Variants in INSYN2A observed in about 807,000 individuals in gnomAD.
INSYN2A encodes inhibitory synaptic factor 2A, also known as family with sequence similarity 196 member A.
In INSYN2A, 17 loss-of-function variants were observed where a neutral mutation model predicts 39.4. That is an observed-to-expected ratio of 0.43 (90% CI 0.30 to 0.65). INSYN2A has a LOEUF of 0.65. INSYN2A is among the 30% of genes least tolerant of loss of function. The pLI, the probability that INSYN2A is intolerant of heterozygous loss-of-function variation, is 0.14. For synonymous variants in INSYN2A, 255 were observed against 265.7 expected (o/e 0.96, Z 0.39); for missense variants, 595 against 631.2 (o/e 0.94, Z 0.61).
chr10:127,157,510 A>G (rs1286318130), intron 4 of INSYN2A, among the ~76,000 whole-genome samples: 3 of 152,262 alleles, frequency 2.0e-5, no homozygotes, highest in African/African-American at 4.8e-5. Context: ...CTCTCCTTCT[A>G]TAACATCATT....
intron 4 of INSYN2A, among the ~76,000 whole-genome samples, chr10:127,171,609 A>G (rs758110063): frequency 6.6e-6 from 1 of 152,198 alleles, no homozygotes; most frequent in East Asian, 1.9e-4. Context: ...TGGGGTGGCA[A>G]GTGGGGAGAG....
At chr10:127,168,708 C>T (rs1407574050) in intron 4 of INSYN2A, among the ~76,000 whole-genome samples, 1 of 152,206 alleles carries the variant, frequency 6.6e-6, no homozygotes, top group Non-Finnish European at 1.5e-5. Flanking sequence ...GGGATGGGAT[C>T]ACCTCACTGT....
intron 2 of INSYN2A, among the ~76,000 whole-genome samples, chr10:127,191,623 C>A (rs2056762405): frequency 6.6e-6 from 1 of 152,168 alleles, no homozygotes; most frequent in Non-Finnish European, 1.5e-5. Flanking sequence ...ATACAAGATC[C>A]TTCCTAGAGA....
At chr10:127,143,211 C>T (rs2051446062) in intron 5 of INSYN2A, among the ~76,000 whole-genome samples, 1 of 152,160 alleles carries the variant, frequency 6.6e-6, no homozygotes, top group South Asian at 2.1e-4. Context: ...CCATGTGTAA[C>T]AGTTAAGAGT....
intron 4 of INSYN2A, among the ~76,000 whole-genome samples, chr10:127,168,494 C>T (rs879447839): frequency 5.3e-5 from 8 of 152,216 alleles, no homozygotes; most frequent in South Asian, 2.1e-4. Context: ...CCAGGGAACA[C>T]GGCACTCAGT....
At position 127,175,736 on chromosome 10, in the gene INSYN2A, G is replaced by C. The variant is rs754152980; in HGVS notation, c.660C>G (p.Pro220=). The C allele has an allele frequency of 2.5e-6, 4 of 1,613,876 alleles. No homozygotes were observed. Among genetic ancestry groups the C allele is most frequent in the South Asian group, 1.1e-5 (1 of 91,076 alleles). Residue 220 remains proline, a synonymous_variant, in exon 4 of 6, where the codon CCC becomes CCG. Transcript: ENST00000522781. This position sits in a 1 kb window ranked among gnomAD's most constrained non-coding sequence, Gnocchi z 6.3. ...TGGCCCTCCCGAGCAGCTGGTAATC[G>C]GGCTCTTCGGATGGAGGCCGAGTGG... ...QNSTRPPSEE[P]DYQLLGRAKQ... is the part of the protein sequence containing the mutation.
Position 127,138,366 on chromosome 10 carries a change from G to C in INSYN2A, c.1257-346C>G, listed in dbSNP as rs10829469. Among the ~76,000 whole-genome samples, 997 of 152,262 alleles carry C rather than the reference G, an allele frequency of 6.5e-3. 4 individuals carry two copies. The highest frequency in any genetic ancestry group is 0.012 in the Admixed American group (177 of 15,290). On this transcript the variant is annotated intron_variant, in intron 5 of 5. Transcript: ENST00000522781. The stretch of plus-strand genomic sequence containing the variant: ...CACATGGGCCTCATGGAGTAAAACA[G>C]AAAACCAAAAGTATGAGTGGGCAGG...
chr10:127,186,504 A>ACCCCCCCCCCCCCCCC lies in INSYN2A; in HGVS notation c.-269+6100_-269+6101insGGGGGGGGGGGGGGGG. On this transcript the variant is annotated intron_variant, in intron 2 of 5. Coordinates refer to ENST00000522781, the MANE Select transcript of INSYN2A (RefSeq NM_001039762.3). ...CAATCATGATAACAGCATGGGAGAAACCGCCCCCCCGCCCCCCCCCGATCC... is the reference window on the plus strand; with the variant it reads ...CAATCATGATAACAGCATGGGAGAAACCCCCCCCCCCCCCCCCCGCCCCCCCGCCCCCCCCCGATCC... Among the ~76,000 whole-genome samples the ACCCCCCCCCCCCCCCC allele has an allele frequency of 2.2e-4, 2 of 9,024 alleles. 1 individual carries two copies. Among genetic ancestry groups the ACCCCCCCCCCCCCCCC allele is most frequent in the East Asian group, 6.0e-3 (2 of 332 alleles). The allele number at this position is 9,024 out of a possible 152,430, so 5.9% of individuals were successfully genotyped here.
chr10:127,195,014 C>T (rs577050308), intron 1 of INSYN2A, among the ~76,000 whole-genome samples: 149 of 152,290 alleles, frequency 9.8e-4, no homozygotes, highest in African/African-American at 3.5e-3. Context: ...ATAAGCAAAA[C>T]GCACCCATTT....
intron 4 of INSYN2A, among the ~76,000 whole-genome samples, chr10:127,158,996 T>C (rs2053345243): frequency 6.6e-6 from 1 of 152,082 alleles, no homozygotes; most frequent in Non-Finnish European, 1.5e-5. Flanking sequence ...GACCTCTCCT[T>C]GCTTGATGCC....
At chr10:127,189,577 A>G (rs2134074787) in intron 2 of INSYN2A, among the ~76,000 whole-genome samples, 1 of 152,390 alleles carries the variant, frequency 6.6e-6, no homozygotes, top group African/African-American at 2.4e-5. Context: ...TTAAATGAGG[A>G]TATGAATGAC....
At chr10:127,164,322 T>C (rs928646400) in intron 4 of INSYN2A, among the ~76,000 whole-genome samples, 4 of 151,770 alleles carry the variant, frequency 2.6e-5, no homozygotes, top group Non-Finnish European at 4.4e-5. Context: ...CAGCTGAGAT[T>C]ACAGGTGCCC....
At chr10:127,156,213 A>G (rs75023144) in intron 4 of INSYN2A, among the ~76,000 whole-genome samples, 11,843 of 152,154 alleles carry the variant, frequency 0.078, 1,282 homozygotes, top group African/African-American at 0.24. Context: ...CCAGTGCCTC[A>G]CTTGCATTAG....
At position 127,175,947 on chromosome 10, in the gene INSYN2A, T is replaced by G; in HGVS notation, c.449A>C (p.Lys150Thr). Reference protein sequence around the residue: ...NNGFLTDAKEKNEAGPMEEAR... With the variant: ...NNGFLTDAKETNEAGPMEEAR... Reference sequence around the variant, plus strand: ...CTCCTCCATGGGTCCAGCCTCGTTCTTCTCTTTCGCATCTGTTAGAAACCC... The same window carrying G: ...CTCCTCCATGGGTCCAGCCTCGTTCGTCTCTTTCGCATCTGTTAGAAACCC... The change falls in exon 4 of 6, where the codon AAG (lysine) becomes ACG (threonine). Residue 150 changes from lysine to threonine, a missense_variant. Transcript: ENST00000522781. This position sits in a 1 kb window ranked among gnomAD's most constrained non-coding sequence, Gnocchi z 6.3. The G allele has an allele frequency of 5.0e-6, 8 of 1,614,242 alleles. No homozygotes were observed. Among genetic ancestry groups the G allele is most frequent in the Non-Finnish European group, 5.9e-6 (7 of 1,180,048 alleles).
At chr10:127,139,408 G>A (rs2051010354) in intron 5 of INSYN2A, among the ~76,000 whole-genome samples, 1 of 151,752 alleles carries the variant, frequency 6.6e-6, no homozygotes, top group Non-Finnish European at 1.5e-5. Context: ...AAAAAAAATT[G>A]CCAGAGAAGT....
intron 5 of INSYN2A, among the ~76,000 whole-genome samples, chr10:127,140,180 T>C (rs2051089195): frequency 6.6e-6 from 1 of 152,250 alleles, no homozygotes; most frequent in Admixed American, 6.5e-5. Context: ...CCTGTAATTA[T>C]TGAATTCCCA....
chr10:127,138,158 A>G (rs1019678390), intron 5 of INSYN2A, 138 bp from the exon 6 acceptor site: 1 of 740,582 alleles, frequency 1.4e-6, no homozygotes, highest in Admixed American at 3.0e-5. Context: ...AATTCGATAT[A>G]CTATGTTTTA....
At chr10:127,191,811 T>C (rs932402803) in intron 2 of INSYN2A, among the ~76,000 whole-genome samples, 7 of 152,226 alleles carry the variant, frequency 4.6e-5, no homozygotes, top group Admixed American at 1.3e-4. Context: ...CTCTCTGGGA[T>C]GTGCCTGTCC....
intron 5 of INSYN2A, among the ~76,000 whole-genome samples, chr10:127,140,628 T>C (rs957075826): frequency 9.2e-5 from 14 of 151,816 alleles, no homozygotes; most frequent in African/African-American, 3.4e-4. Flanking sequence ...TCGGTTGAGT[T>C]TGACACACCA....
Sources: allele counts gnomAD v4.1 joint callset (sites outside exome capture counted in the v4.1 genomes callset), GRCh38; gene constraint gnomAD v4.1.1; non-coding constraint Gnocchi (gnomAD v3.1); transcripts MANE v1.5; gene names NCBI Gene and HGNC (gene_info 2026-07-23, HGNC 2026-07-21).